Variants in RANBP2 observed in about 807,000 individuals in gnomAD.
RANBP2 encodes the protein RAN binding protein 2.
RANBP2 carries 57 observed loss-of-function variants against 303.6 expected under a neutral mutation model. That is an observed-to-expected ratio of 0.19 (90% CI 0.15 to 0.23). The LOEUF (loss-of-function observed/expected upper bound fraction) is 0.23. Ranked by LOEUF, RANBP2 falls within the 10% of genes least tolerant of loss-of-function variation. RANBP2 has a pLI of 1.00. For missense variants in RANBP2, 3,138 were observed against 3,780.8 expected (o/e 0.83, Z 4.46); for synonymous variants, 1,167 against 1,301.5 (o/e 0.90, Z 2.23).
At chr2:109,642,554 C>A in the RANBP2 span, among the ~76,000 whole-genome samples, 2 of 150,700 alleles carry the variant, frequency 1.3e-5, no homozygotes, top group Non-Finnish European at 3.0e-5. Context: ...TTGAGACCAT[C>A]CTGGCTAACA....
chr2:108,783,835 A>G lies in RANBP2; in HGVS notation c.9609A>G (p.Glu3203=), dbSNP rs1046881969. The change falls in exon 29 of 29, where the codon GAA becomes GAG. Residue 3203 remains glutamate, a synonymous_variant. Transcript: ENST00000283195. ...GCATGGATACTGTGAAAAAGATTGA[A>G]TCATTTGGTTCTCCCAAAGGGTCTG... ...KDGMDTVKKI[E]SFGSPKGSVC... 1 of 1,613,262 alleles carries G rather than the reference A, an allele frequency of 6.2e-7. No individual in the cohort carries two copies. Among genetic ancestry groups the G allele is most frequent in the Non-Finnish European group, 8.5e-7 (1 of 1,179,262 alleles).
At chr2:109,111,695 A>G in the RANBP2 span, among the ~76,000 whole-genome samples, 8 of 150,474 alleles carry the variant, frequency 5.3e-5, no homozygotes, top group Middle Eastern at 6.9e-3. Flanking sequence ...GGTTAGTTAC[A>G]TATGTATACA....
chr2:109,495,047 T>G, the RANBP2 span, among the ~76,000 whole-genome samples: 39 of 152,288 alleles, frequency 2.6e-4, no homozygotes, highest in Admixed American at 2.4e-3. Context: ...GTAAGTAGAC[T>G]TATGAGCCAA....
chr2:108,888,727 A>T, the RANBP2 span, among the ~76,000 whole-genome samples: 1 of 151,056 alleles, frequency 6.6e-6, no homozygotes, highest in Non-Finnish European at 1.5e-5. Flanking sequence ...CCGTGTATCA[A>T]TTTTTTTTAT....
At chr2:108,725,870 G>A (rs1001879098) in intron 1 of RANBP2, among the ~76,000 whole-genome samples, 30 of 152,156 alleles carry the variant, frequency 2.0e-4, no homozygotes, top group African/African-American at 6.7e-4. Context: ...TGGGATTGCA[G>A]GTGTTAGCCT....
At chr2:109,143,834 G>GTA in the RANBP2 span, among the ~76,000 whole-genome samples, 1 of 137,738 alleles carries the variant, frequency 7.3e-6, no homozygotes, top group African/African-American at 2.6e-5. Context: ...ACACACACAC[G>GTA]TATATACACA....
At chr2:109,266,824 A>G in the RANBP2 span, among the ~76,000 whole-genome samples, 8 of 152,190 alleles carry the variant, frequency 5.3e-5, no homozygotes, top group East Asian at 1.6e-3. Context: ...GAGTCACCTC[A>G]TGTTATTTAA....
the RANBP2 span, among the ~76,000 whole-genome samples, chr2:109,037,635 A>C: frequency 6.6e-6 from 1 of 152,174 alleles, no homozygotes; most frequent in Non-Finnish European, 1.5e-5. Flanking sequence ...AATACAGAAA[A>C]ATAAATGTCA....
the RANBP2 span, among the ~76,000 whole-genome samples, chr2:109,637,132 C>T: frequency 1.3e-5 from 2 of 152,192 alleles, no homozygotes; most frequent in Non-Finnish European, 1.5e-5. Flanking sequence ...TAATTAAGTT[C>T]AAGGGAAGGT....
chr2:109,235,418 G>A, the RANBP2 span, among the ~76,000 whole-genome samples: 1 of 152,208 alleles, frequency 6.6e-6, no homozygotes, highest in Non-Finnish European at 1.5e-5. Context: ...GCTGAGGAGA[G>A]TGACTAGGTA....
At chr2:109,079,964 G>A in the RANBP2 span, among the ~76,000 whole-genome samples, 1 of 152,232 alleles carries the variant, frequency 6.6e-6, no homozygotes, top group South Asian at 2.1e-4. Context: ...GCTGAGGCAT[G>A]AGGACGCATT....
chr2:108,720,370 T>C (rs1299850731), intron 1 of RANBP2, among the ~76,000 whole-genome samples: 1 of 151,212 alleles, frequency 6.6e-6, no homozygotes, highest in Admixed American at 6.6e-5. Flanking sequence ...AAAAAAAAAA[T>C]TCTAAAGTTC....
At chr2:109,163,813 C>T in the RANBP2 span, among the ~76,000 whole-genome samples, 36 of 152,332 alleles carry the variant, frequency 2.4e-4, no homozygotes, top group African/African-American at 8.7e-4. Flanking sequence ...AATGGCTCTG[C>T]TTCCCTCCAA....
At chr2:108,875,570 G>A in the RANBP2 span, among the ~76,000 whole-genome samples, 1 of 152,104 alleles carries the variant, frequency 6.6e-6, no homozygotes, top group Non-Finnish European at 1.5e-5. Context: ...TTGTAAAATG[G>A]TTCCAGGCTG....
chr2:108,963,475 GAT>G, the RANBP2 span, among the ~76,000 whole-genome samples: 1 of 152,194 alleles, frequency 6.6e-6, no homozygotes, highest in Admixed American at 6.5e-5. Context: ...ACTTGTAAGA[GAT>G]AATACAGAGA....
the RANBP2 span, among the ~76,000 whole-genome samples, chr2:108,872,238 C>T: frequency 6.6e-6 from 1 of 152,174 alleles, no homozygotes; most frequent in Non-Finnish European, 1.5e-5. Flanking sequence ...TCCTCCTCCC[C>T]CCACCATAGC....
chr2:108,753,842 A>G lies in RANBP2; in HGVS notation c.2073A>G (p.Ala691=). ...TTGTATAGATTTTTCACAGGAAGGCAGAAGACATTGAAAATGATGCCCTTT... is the reference window on the plus strand; with the variant it reads ...TTGTATAGATTTTTCACAGGAAGGCGGAAGACATTGAAAATGATGCCCTTT... ...WNLALIFHRK[A]EDIENDALSP... The change falls in exon 15 of 29, where the codon GCA becomes GCG. Residue 691 remains alanine, a synonymous_variant. Transcript: ENST00000283195. 1 of 1,612,048 alleles carries G rather than the reference A, an allele frequency of 6.2e-7. No individual in the cohort carries two copies. Among genetic ancestry groups the G allele is most frequent in the Non-Finnish European group, 8.5e-7 (1 of 1,179,852 alleles).
the RANBP2 span, among the ~76,000 whole-genome samples, chr2:109,328,143 C>A: frequency 6.6e-6 from 1 of 152,192 alleles, no homozygotes; most frequent in Non-Finnish European, 1.5e-5. Context: ...ACAGCCAAAC[C>A]ATTGTCACAC....
chr2:108,791,121 T>C, the RANBP2 span, among the ~76,000 whole-genome samples: 1 of 152,036 alleles, frequency 6.6e-6, no homozygotes, highest in Admixed American at 6.5e-5. Flanking sequence ...AGATATATTA[T>C]ATTAACTAAT....
Sources: gnomAD v4.1 joint callset for allele counts (sites outside exome capture counted in the v4.1 genomes callset) on GRCh38, gnomAD v4.1.1 for gene constraint, MANE v1.5 for transcripts, NCBI Gene and HGNC (gene_info 2026-07-23, HGNC 2026-07-21) for gene names.